Variants in CFAP100 observed in about 807,000 individuals in gnomAD.
CFAP100 encodes cilia and flagella associated protein 100, also known as cilia- and flagella-associated protein 100.
CFAP100 carries 70 observed loss-of-function variants against 81.5 expected under a neutral mutation model. The ratio of observed to expected loss-of-function variants is 0.86; its 90% confidence interval spans 0.71 to 1.05. CFAP100 has a LOEUF of 1.05. Among genes scored for constraint, CFAP100 ranks in the 50% least tolerant of loss-of-function variants. The pLI is 0.00. For missense variants in CFAP100, 811 were observed against 776.5 expected (o/e 1.04, Z -0.53); for synonymous variants, 341 against 314.8 (o/e 1.08, Z -0.88).
At position 126,428,744 on chromosome 3, in the gene CFAP100, C is replaced by T. The variant is rs113016148; in HGVS notation, c.1287-4325C>T. On this transcript the variant is annotated intron_variant, in intron 13 of 16. Coordinates refer to ENST00000352312, the MANE Select transcript of CFAP100 (RefSeq NM_182628.3). The stretch of plus-strand genomic sequence containing the variant: ...TTCTGGTGGTGTCTGTCTTTGCTAT[C>T]GAGGTGATACTGGCTTCATAGAATG... Among the ~76,000 whole-genome samples, 380 of 152,216 alleles carry T rather than the reference C, an allele frequency of 2.5e-3. 2 individuals are homozygous for T. The highest frequency in any genetic ancestry group is 8.6e-3 in the African/African-American group (355 of 41,512).
intron 2 of CFAP100, among the ~76,000 whole-genome samples, chr3:126,406,410 C>A (rs749944730): frequency 1.1e-4 from 16 of 152,188 alleles, no homozygotes; most frequent in Non-Finnish European, 1.8e-4. Context: ...GCACCCTGAG[C>A]AGCCCACCGG....
intron 13 of CFAP100, among the ~76,000 whole-genome samples, chr3:126,427,631 ACAAACTGTC>A (rs1933014602): frequency 6.6e-6 from 1 of 152,198 alleles, no homozygotes; most frequent in Non-Finnish European, 1.5e-5. Context: ...TAAGAAATTG[ACAAACTGTC>A]TTCCAAGGTG....
intron 8 of CFAP100, 139 bp from the exon 9 acceptor site, chr3:126,419,498 C>T (rs1415805533): frequency 4.0e-6 from 3 of 748,568 alleles, no homozygotes; most frequent in South Asian, 1.8e-5. Flanking sequence ...CAGCATGTGG[C>T]ATTCCTGCAC....
intron 5 of CFAP100, 159 bp downstream of exon 5, chr3:126,416,667 A>G (rs2083249185): frequency 1.7e-6 from 1 of 599,552 alleles, no homozygotes; most frequent in Admixed American, 3.5e-5. Flanking sequence ...TGGCCTCTCC[A>G]GGGGGGTCCC....
At chr3:126,400,481 C>T (rs552398901) in intron 2 of CFAP100, among the ~76,000 whole-genome samples, 7 of 152,144 alleles carry the variant, frequency 4.6e-5, no homozygotes, top group Admixed American at 3.3e-4. Context: ...CAGCCTGGCA[C>T]GGTGACTCTC....
At position 126,418,768 on chromosome 3, in the gene CFAP100, T is replaced by G. The variant is rs776088230; in HGVS notation, c.644T>G (p.Met215Arg). Residue 215 changes from methionine to arginine, a missense_variant, in exon 7 of 17, where the codon ATG (methionine) becomes AGG (arginine). Transcript: ENST00000352312. The part of the protein sequence containing the change: ...RENDCSSVQA[M>R]RAAEKETKAK... ...AATGACTGCAGCTCCGTGCAGGCCA[T>G]GAGAGCGTGAGCCTGCGGGCCCGAG... 6.3e-7 allele frequency: 1 copy of G among 1,588,456 alleles called. No individual in the cohort carries two copies. Among genetic ancestry groups the G allele is most frequent in the Non-Finnish European group, 8.5e-7 (1 of 1,169,630 alleles).
chr3:126,431,512 TTC>T (rs1201158923), intron 13 of CFAP100, among the ~76,000 whole-genome samples: 2 of 152,102 alleles, frequency 1.3e-5, no homozygotes, highest in South Asian at 2.1e-4. Flanking sequence ...TCTATGGCTT[TTC>T]TCTGTTTTTA....
At chr3:126,402,913 G>C (rs549298791) in intron 2 of CFAP100, among the ~76,000 whole-genome samples, 1 of 152,170 alleles carries the variant, frequency 6.6e-6, no homozygotes, top group African/African-American at 2.4e-5. Context: ...CAGGTGGCAG[G>C]GGCGGATGGG....
intron 3 of CFAP100, among the ~76,000 whole-genome samples, chr3:126,407,866 C>A (rs1403101809): frequency 6.6e-6 from 1 of 152,196 alleles, no homozygotes; most frequent in African/African-American, 2.4e-5. Context: ...TAGCCCTGAA[C>A]AGGGCATCGC....
intron 3 of CFAP100, among the ~76,000 whole-genome samples, chr3:126,411,493 A>G (rs1368283756): frequency 6.7e-6 from 1 of 149,794 alleles, no homozygotes; most frequent in Non-Finnish European, 1.5e-5. Context: ...ATTGGTACCA[A>G]TTCTTCTTTG....
At chr3:126,400,068 C>G (rs1407803006) in intron 2 of CFAP100, among the ~76,000 whole-genome samples, 1 of 152,212 alleles carries the variant, frequency 6.6e-6, no homozygotes, top group Non-Finnish European at 1.5e-5. Flanking sequence ...AACCCCTCCA[C>G]TCTTGTGAGA....
At chr3:126,402,401 G>A (rs1181195625) in intron 2 of CFAP100, among the ~76,000 whole-genome samples, 1 of 152,234 alleles carries the variant, frequency 6.6e-6, no homozygotes, top group African/African-American at 2.4e-5. Flanking sequence ...CAGAAAGCCC[G>A]AGGGAAAGGG....
intron 5 of CFAP100, 116 bp from the exon 6 acceptor site, chr3:126,418,342 T>C: frequency 1.2e-6 from 1 of 829,276 alleles, no homozygotes; most frequent in South Asian, 1.5e-5. Context: ...GGTAGTCACC[T>C]GGGCGTGGAC....
Position 126,429,446 on chromosome 3 carries a change from G to A in CFAP100, c.1287-3623G>A, listed in dbSNP as rs1170667527. ...TTCTCTGCCTCTTGTGACAGTTTTT[G>A]ACTTAAAGTCTATTTTGTCTATATT... On this transcript the variant is annotated intron_variant, in intron 13 of 16. Transcript: ENST00000352312. 3.3e-5 allele frequency among the ~76,000 whole-genome samples: 5 copies of A among 152,016 alleles called. No individual in the cohort carries two copies. The South Asian group carries it at 8.3e-4, about 25-fold the overall frequency.
chr3:126,419,132 C>G lies in CFAP100; in HGVS notation c.707C>G (p.Thr236Ser). The G allele has an allele frequency of 6.3e-7, 1 of 1,582,008 alleles. No individual in the cohort carries two copies. ...IEKILEIRDL[T>S]TQIVNIKSEI... The stretch of plus-strand genomic sequence containing the variant: ...AAGATCCTTGAGATCCGGGACCTCA[C>G]CACCCAGATTGTTAATATCAAAAGG... The change falls in exon 8 of 17, where the codon ACC becomes AGC. Residue 236 changes from threonine (T) to serine (S), a missense_variant. Transcript: ENST00000352312.
At chr3:126,412,456 C>A (rs1364065681) in intron 3 of CFAP100, among the ~76,000 whole-genome samples, 2 of 152,178 alleles carry the variant, frequency 1.3e-5, no homozygotes, top group African/African-American at 4.8e-5. Flanking sequence ...AAGCATAATA[C>A]CCTTTATCAG....
At chr3:126,410,722 A>T (rs1433093580) in intron 3 of CFAP100, among the ~76,000 whole-genome samples, 2 of 152,200 alleles carry the variant, frequency 1.3e-5, no homozygotes, top group Non-Finnish European at 2.9e-5. Context: ...TTTAATGCAG[A>T]ATAGCAATGT....
chr3:126,419,050 CTCCTCCCCCGCCG>C lies in CFAP100; in HGVS notation c.651-25_651-13del. On this transcript the variant is annotated splice_polypyrimidine_tract_variant and intron_variant, in intron 7 of 16. Transcript: ENST00000352312. ...TGCCACTGGCCCCTTGCCCCCATCC[CTCCTCCCCCGCCG>C]CCCAACCCCTAGGGCTGAGAAGGAG... The C allele has an allele frequency of 8.4e-7, 1 of 1,195,014 alleles. No homozygotes were observed. The highest frequency in any genetic ancestry group is 1.2e-6 in the Non-Finnish European group (1 of 846,674). 74.0% of individuals were successfully genotyped at this position (1,195,014 alleles called of 1,614,324 possible). A position where few individuals can be genotyped will look rare whatever the true frequency, so the allele number is the denominator to read the frequency against.
intron 3 of CFAP100, among the ~76,000 whole-genome samples, chr3:126,410,976 GA>G (rs1286140833): frequency 1.3e-5 from 2 of 152,212 alleles, no homozygotes; most frequent in Admixed American, 6.5e-5. Context: ...GAGGCTGGGA[GA>G]AAAATCCATC....
Sources: allele counts gnomAD v4.1 joint callset (sites outside exome capture counted in the v4.1 genomes callset), GRCh38; gene constraint gnomAD v4.1.1; transcripts MANE v1.5; gene names NCBI Gene and HGNC (gene_info 2026-07-23, HGNC 2026-07-21).